OR4F16: variants seen among roughly 807,000 people sequenced by gnomAD.
OR4F16 encodes olfactory receptor 4F3/4F16/4F29.
chr1:709,887 G>GC, the OR4F16 span, among the ~76,000 whole-genome samples: 1 of 101,194 alleles, frequency 9.9e-6, no homozygotes, highest in African/African-American at 3.3e-5. Context: ...ATAATATATA[G>GC]CCATTAAAAT....
the OR4F16 span, among the ~76,000 whole-genome samples, chr1:713,279 C>A: frequency 2.2e-5 from 1 of 44,650 alleles, no homozygotes; most frequent in East Asian, 6.8e-4. Context: ...AGAAAAAGGT[C>A]TTTTCCCTTT....
the OR4F16 span, chr1:702,369 A>C: frequency 6.6e-6 from 1 of 151,388 alleles, no homozygotes; most frequent in East Asian, 2.0e-4. Context: ...AAAAAAAAAA[A>C]CCACCGCCAT....
At chr1:687,712 TTTTATC>T (rs1453263277), upstream of OR4F16, among the ~76,000 whole-genome samples, 50 of 66,740 alleles carry the variant, frequency 7.5e-4, no homozygotes, top group Non-Finnish European at 6.2e-4. Context: ...CATTCGGATA[TTTTATC>T]TTTAAGAAAT....
the OR4F16 span, among the ~76,000 whole-genome samples, chr1:715,828 T>C: frequency 6.6e-6 from 1 of 150,846 alleles, no homozygotes; most frequent in African/African-American, 2.5e-5. Flanking sequence ...TAAGACCCTG[T>C]CTCAAAAAAA....
chr1:712,020 T>TATATTA, the OR4F16 span: 2 of 109,002 alleles, frequency 1.8e-5, no homozygotes, highest in African/African-American at 8.7e-5. Context: ...ATATTGTATA[T>TATATTA]CTATTACATA....
the OR4F16 span, among the ~76,000 whole-genome samples, chr1:714,908 C>CT: frequency 3.1e-5 from 4 of 127,628 alleles, no homozygotes; most frequent in South Asian, 1.0e-3. Flanking sequence ...AAGAGAAATT[C>CT]TTTTTATACA....
chr1:713,598 C>T, the OR4F16 span, among the ~76,000 whole-genome samples: 1 of 114,482 alleles, frequency 8.7e-6, no homozygotes, highest in Non-Finnish European at 1.7e-5. Flanking sequence ...TTCTTCTTTT[C>T]ATATTTTTGA....
upstream of OR4F16, among the ~76,000 whole-genome samples, chr1:690,866 AATTT>A (rs1643051596): frequency 6.7e-6 from 1 of 148,354 alleles, no homozygotes; most frequent in Non-Finnish European, 1.5e-5. Flanking sequence ...AGGGAACAAT[AATTT>A]ATTATATATT....
chr1:702,345 C>CG, the OR4F16 span: 3 of 146,592 alleles, frequency 2.0e-5, no homozygotes, highest in Non-Finnish European at 4.5e-5. Context: ...AAGACTCTGT[C>CG]GGGGAAAAAA....
At chr1:715,755 C>T in the OR4F16 span, among the ~76,000 whole-genome samples, 5 of 139,480 alleles carry the variant, frequency 3.6e-5, no homozygotes, top group Admixed American at 3.6e-4. Flanking sequence ...TAGCTTGAGT[C>T]TGGGAGGTCA....
chr1:717,183 G>A, the OR4F16 span, among the ~76,000 whole-genome samples: 3 of 149,012 alleles, frequency 2.0e-5, no homozygotes, highest in Non-Finnish European at 4.4e-5. Flanking sequence ...CCATGAATAT[G>A]TACAATTATT....
the OR4F16 span, among the ~76,000 whole-genome samples, chr1:712,095 C>CTATTATATATATAATATTATAT: frequency 2.9e-4 from 1 of 3,478 alleles, no homozygotes; most frequent in African/African-American, 6.0e-4. Context: ...TATTATATAT[C>CTATTATATATATAATATTATAT]ATTTCCAAAT....
At chr1:702,400 T>C in the OR4F16 span, 1 of 150,474 alleles carries the variant, frequency 6.6e-6, no homozygotes, top group Non-Finnish European at 1.5e-5. Context: ...GTGTTACCAC[T>C]ATTGTGTGTT....
At chr1:702,042 T>C in the OR4F16 span, 3 of 146,882 alleles carry the variant, frequency 2.0e-5, no homozygotes, top group Non-Finnish European at 3.0e-5. Flanking sequence ...AAAGTCCACA[T>C]TGAGATATGA....
At chr1:690,429 AC>A (rs1171441705), upstream of OR4F16, among the ~76,000 whole-genome samples, 4 of 116,374 alleles carry the variant, frequency 3.4e-5, no homozygotes, top group African/African-American at 1.5e-4. Context: ...AAGTCCAGAA[AC>A]CATTTCCAAA....
the OR4F16 span, among the ~76,000 whole-genome samples, chr1:714,864 A>G: frequency 1.5e-5 from 2 of 137,286 alleles, no homozygotes; most frequent in African/African-American, 6.5e-5. Context: ...ACCTGTTTAA[A>G]GCACTTCATT....
chr1:690,930 G>A (rs1350225418), upstream of OR4F16, among the ~76,000 whole-genome samples: 5 of 147,714 alleles, frequency 3.4e-5, no homozygotes, highest in Admixed American at 6.7e-5. Flanking sequence ...ACAAAGAAAA[G>A]ATAAATATTC....
chr1:678,435 TAA>T, the OR4F16 span, among the ~76,000 whole-genome samples: 2 of 27,934 alleles, frequency 7.2e-5, no homozygotes, highest in African/African-American at 2.8e-4. Flanking sequence ...GCAAATTGGC[TAA>T]AGAGTCAAGA....
chr1:702,000 T>C, the OR4F16 span: 1 of 148,378 alleles, frequency 6.7e-6, no homozygotes, highest in Non-Finnish European at 1.5e-5. Flanking sequence ...TCCTTTCAAC[T>C]GATGAGGAAA....
Sources: allele counts gnomAD v4.1 joint callset (sites outside exome capture counted in the v4.1 genomes callset), GRCh38; gene constraint gnomAD v4.1.1; transcripts MANE v1.5; gene names NCBI Gene and HGNC (gene_info 2026-07-23, HGNC 2026-07-21).